Variants in ASXL1 observed in about 807,000 individuals in gnomAD.
The protein encoded by ASXL1 is ASXL transcriptional regulator 1.
Under a neutral mutation model 89.1 loss-of-function variants are expected in ASXL1, and 65 were observed. The ratio of observed to expected loss-of-function variants is 0.73; its 90% CI spans 0.60 to 0.90. ASXL1 has a LOEUF of 0.90. ASXL1 is among the 40% of genes least tolerant of loss of function. The pLI, the probability that ASXL1 is intolerant of heterozygous loss-of-function variation, is 0.00. For synonymous variants in ASXL1, 739 were observed against 746.9 expected, an observed-to-expected ratio of 0.99 and a Z score of 0.17; for missense variants, 1,786 against 1,942.9, an observed-to-expected ratio of 0.92 and a Z score of 1.52.
chr20:32,396,859 T>A (rs1041115928), intron 4 of ASXL1, among the ~76,000 whole-genome samples: 2 of 152,196 alleles, frequency 1.3e-5, no homozygotes, highest in Non-Finnish European at 2.9e-5. Context: ...ATTTTTTATG[T>A]GTTCATTTTG....
At chr20:32,402,092 C>T (rs2048885146) in intron 4 of ASXL1, among the ~76,000 whole-genome samples, 1 of 152,148 alleles carries the variant, frequency 6.6e-6, no homozygotes. Flanking sequence ...ATTGGCTTTT[C>T]TTTTTTAACT....
chr20:32,426,554 CTTTTTTTTTTTTTT>C lies in ASXL1; in HGVS notation c.253-1563_253-1550del, dbSNP rs1177815042. Among the ~76,000 whole-genome samples the C allele has an allele frequency of 3.6e-5, 3 of 83,950 alleles. 1 individual carries two copies. Among genetic ancestry groups the C allele is most frequent in the Non-Finnish European group, 6.6e-5 (3 of 45,218 alleles). 55.1% of individuals were successfully genotyped at this position (83,950 alleles called of 152,430 possible). A position where few individuals can be genotyped will look rare whatever the true frequency, so the allele number is the denominator to read the frequency against. ...GAAAACTGTTTTCTTTTTTTTCTTT[CTTTTTTTTTTTTTT>C]TTTTTTTTTTGAGATGGAGTCTTGC... On this transcript the variant is annotated intron_variant, in intron 4 of 12. Transcript: ENST00000375687.
intron 4 of ASXL1, among the ~76,000 whole-genome samples, chr20:32,369,360 C>T (rs892181769): frequency 6.6e-6 from 1 of 152,034 alleles, no homozygotes; most frequent in Non-Finnish European, 1.5e-5. Context: ...GTGATTCTCC[C>T]ACCTCAACCT....
chr20:32,403,851 TG>T (rs2048913632), intron 4 of ASXL1, among the ~76,000 whole-genome samples: 1 of 152,198 alleles, frequency 6.6e-6, no homozygotes, highest in Admixed American at 6.5e-5. Flanking sequence ...GGATATAGTA[TG>T]TTTTTTTACA....
intron 4 of ASXL1, among the ~76,000 whole-genome samples, chr20:32,375,688 TGTTTTG>T (rs2048366441): frequency 6.6e-6 from 1 of 150,612 alleles, no homozygotes. Flanking sequence ...TGTTTTGTTT[TGTTTTG>T]TTTTTTGAGA....
intron 10 of ASXL1, chr20:32,432,672 C>T: frequency 1.8e-6 from 1 of 558,798 alleles, no homozygotes; most frequent in Non-Finnish European, 3.1e-6. Flanking sequence ...TGTTGTTTTG[C>T]TTTTTCGATC....
intron 4 of ASXL1, among the ~76,000 whole-genome samples, chr20:32,398,698 C>A (rs1384672297): frequency 1.5e-4 from 23 of 149,998 alleles, no homozygotes; most frequent in Non-Finnish European, 3.1e-4. Context: ...CAAGCTCCAC[C>A]TGCCGGGTTC....
Position 32,434,327 on chromosome 20 carries a change from C to G in ASXL1, c.1720-105C>G, listed in dbSNP as rs866802248. The G allele has an allele frequency of 6.6e-6, 9 of 1,361,726 alleles. No individual in the cohort carries two copies. The African/African-American group carries it at 8.6e-5, about 13-fold the overall frequency. The allele number at this position is 1,361,726 out of a possible 1,614,324, so 84.4% of individuals were successfully genotyped here. A position where few individuals can be genotyped will look rare whatever the true frequency, so the allele number is the denominator to read the frequency against. On this transcript the variant is annotated intron_variant, in intron 12 of 12. Transcript: ENST00000375687. ...ATTGTTTTAAGGAAATTATTTGATTCTGTATGCCATGACCCTTAAGCTACT... is the reference window on the plus strand; with the variant it reads ...ATTGTTTTAAGGAAATTATTTGATTGTGTATGCCATGACCCTTAAGCTACT...
Position 32,437,957 on chromosome 20 carries a change from C to G in ASXL1, c.*619C>G, listed in dbSNP as rs1381941803. Reference sequence around the variant, plus strand: ...TTTCTGTCTCAGTGTGATCCACTAACCCACAGGATCATTTGGAACCTTGAA... The same window carrying G: ...TTTCTGTCTCAGTGTGATCCACTAAGCCACAGGATCATTTGGAACCTTGAA... On this transcript the variant is annotated 3_prime_UTR_variant, in exon 13 of 13. Transcript: ENST00000375687. The G allele has an allele frequency of 4.2e-6, 1 of 236,344 alleles. No homozygotes were observed. The highest frequency in any genetic ancestry group is 2.2e-5 in the African/African-American group (1 of 45,340). The allele number at this position is 236,344 out of a possible 1,614,324, so 14.6% of individuals were successfully genotyped here.
At chr20:32,363,832 A>G (rs2048162468) in intron 1 of ASXL1, among the ~76,000 whole-genome samples, 1 of 152,096 alleles carries the variant, frequency 6.6e-6, no homozygotes. Flanking sequence ...GAGTGTGTGT[A>G]TTTGCAACGT....
rs150004862 is a variant in ASXL1, at chr20:32,436,895, C to G, written c.4183C>G (p.Leu1395Val). The G allele has an allele frequency of 2.6e-4, 427 of 1,614,140 alleles. 1 individual carries two copies. The highest frequency in any genetic ancestry group is 2.2e-4 in the Non-Finnish European group (262 of 1,180,058). The change falls in exon 13 of 13, where the codon CTG (leucine) becomes GTG (valine). Residue 1395 changes from leucine (L) to valine (V), a missense_variant. This residue lies in a region of ASXL1 where 1,418 missense variants were observed against 1,427.8 expected (regional missense o/e 0.99). Transcript: ENST00000375687. ...AGCTACTGGGCATAGTCCCCTGGAA[C>G]TGGTGGGTCACTTGGAAGGGATGCC... ...RKATGHSPLE[L>V]VGHLEGMPFV...
Position 32,429,247 on chromosome 20 carries a change from C to G in ASXL1, c.472-91C>G. The G allele has an allele frequency of 7.8e-7, 1 of 1,283,882 alleles. No individual in the cohort carries two copies. Among genetic ancestry groups the G allele is most frequent in the Non-Finnish European group, 1.1e-6 (1 of 900,020 alleles). The allele number at this position is 1,283,882 out of a possible 1,614,324, so 79.5% of individuals were successfully genotyped here. Reference sequence around the variant, plus strand: ...CTGGTTGAAGACGAACTTCATTTTACAAGAGCGTGAGTAGAGATAGTGTCG... The same window carrying G: ...CTGGTTGAAGACGAACTTCATTTTAGAAGAGCGTGAGTAGAGATAGTGTCG... On this transcript the variant is annotated intron_variant, in intron 6 of 12. Transcript: ENST00000375687. This position sits in a 1 kb window ranked among gnomAD's most constrained non-coding sequence, Gnocchi z 4.9.
intron 4 of ASXL1, among the ~76,000 whole-genome samples, chr20:32,422,762 T>C (rs1015853822): frequency 1.3e-5 from 2 of 151,494 alleles, no homozygotes; most frequent in African/African-American, 4.9e-5. Flanking sequence ...AATTTTTGTA[T>C]TTTTAGTAGA....
rs1292056366 is a variant in ASXL1 at position 32,434,538 on chromosome 20, C to T, written c.1826C>T (p.Thr609Ile). 5.0e-5 allele frequency: 81 copies of T among 1,613,830 alleles called. No individual in the cohort carries two copies. Among genetic ancestry groups the T allele is most frequent in the Non-Finnish European group, 6.2e-5 (73 of 1,180,050 alleles). The change falls in exon 13 of 13, where the codon ACT becomes ATT. Residue 609 changes from threonine to isoleucine, a missense_variant. Thr to Ile is a moderately conservative substitution (Grantham distance 89, BLOSUM62 -1). Around this residue, in one of 3 missense-constraint regions of ASXL1, gnomAD observed 1,418 missense variants for 1,427.8 expected, o/e 0.99. Coordinates refer to ENST00000375687, the MANE Select transcript of ASXL1 (RefSeq NM_015338.6). ...ACGGAGTCCTCCTGCCGGGGTTGGA[C>T]TGGCGCCAGGACCCTCGCAGACATT... is the stretch of plus-strand genomic sequence containing the variant. ...PTTESSCRGW[T>I]GARTLADIKA...
intron 3 of ASXL1, 129 bp from the exon 4 acceptor site, chr20:32,368,886 T>C (rs1264058416): frequency 5.9e-6 from 4 of 674,852 alleles, no homozygotes; most frequent in African/African-American, 1.8e-5. Context: ...ACAGTGAAAT[T>C]GTCATGAGAT....
chr20:32,422,433 C>T (rs1483956580), intron 4 of ASXL1, among the ~76,000 whole-genome samples: 1 of 145,768 alleles, frequency 6.9e-6, no homozygotes, highest in Non-Finnish European at 1.5e-5. Flanking sequence ...GAAAATTTAA[C>T]ATTAATGCAG....
At chr20:32,433,040 G>A (rs1240783617) in intron 11 of ASXL1, 55 bp downstream of exon 11, 2 of 1,604,416 alleles carry the variant, frequency 1.2e-6, no homozygotes, top group African/African-American at 2.7e-5. Flanking sequence ...GATAGAGGTA[G>A]ATGGTCTCAA....
In ASXL1 at chr20:32,436,146, G is replaced by A. The variant is rs777670355; in HGVS notation, c.3434G>A (p.Gly1145Asp). ...CCACTTACAAAAGACCAGAGCCATG[G>A]CTCGCTACGCATGGGATCTTTACAT... ...QVPLTKDQSHGSLRMGSLHGL... is the reference protein window; with the variant it reads ...QVPLTKDQSHDSLRMGSLHGL... Residue 1145 changes from glycine (G) to aspartate (D), a missense_variant, in exon 13 of 13, where the codon GGC (glycine) becomes GAC (aspartate). Physicochemically the swap from Gly to Asp is moderately conservative, Grantham distance 94. Transcript: ENST00000375687. The A allele has an allele frequency of 4.3e-6, 7 of 1,614,086 alleles. No homozygotes were observed. The highest frequency in any genetic ancestry group is 5.9e-6 in the Non-Finnish European group (7 of 1,180,056).
chr20:32,426,192 G>C (rs1257316031), intron 4 of ASXL1, among the ~76,000 whole-genome samples: 2 of 151,804 alleles, frequency 1.3e-5, no homozygotes, highest in East Asian at 3.9e-4. Flanking sequence ...TCTCGTATTG[G>C]GATAAAAGAT....
Sources: allele counts gnomAD v4.1 joint callset (sites outside exome capture counted in the v4.1 genomes callset), GRCh38; gene constraint gnomAD v4.1.1; regional missense constraint gnomAD v4.1.1; non-coding constraint Gnocchi (gnomAD v3.1); transcripts MANE v1.5; gene names NCBI Gene and HGNC (gene_info 2026-07-23, HGNC 2026-07-21).